Variants in EPHB2 observed in about 807,000 individuals in gnomAD.
EPHB2 encodes ephrin type-B receptor 2.
A neutral mutation model predicts 96.4 loss-of-function variants in EPHB2; 18 were observed. That is an observed-to-expected ratio of 0.19 (90% confidence interval 0.13 to 0.28). EPHB2 has a LOEUF of 0.28. Among genes scored for constraint, EPHB2 ranks in the 10% least tolerant of loss-of-function variants. The probability of loss-of-function intolerance (pLI) is 1.00; values close to 1 mark genes in which losing one functional copy is unlikely to be tolerated. For missense variants in EPHB2, 989 were observed against 1,355.4 expected (o/e 0.73, Z 4.25); for synonymous variants, 506 against 534.1 (o/e 0.95, Z 0.72).
chr1:22,799,038 C>T (rs568745428), intron 3 of EPHB2, among the ~76,000 whole-genome samples: 2 of 152,208 alleles, frequency 1.3e-5, no homozygotes, highest in Non-Finnish European at 2.9e-5. Context: ...GCGTGTGTCA[C>T]GGCACTGTTT....
At chr1:22,877,912 G>A (rs918783049) in intron 5 of EPHB2, among the ~76,000 whole-genome samples, 16 of 152,228 alleles carry the variant, frequency 1.1e-4, no homozygotes, top group African/African-American at 3.9e-4. Context: ...ATCTCAGTGG[G>A]GGGTGTTGTG....
intron 4 of EPHB2, among the ~76,000 whole-genome samples, chr1:22,864,515 T>G (rs1638399539): frequency 6.6e-6 from 1 of 152,140 alleles, no homozygotes; most frequent in African/African-American, 2.4e-5. Context: ...GGCAAGCACT[T>G]AAACACAGGA....
In EPHB2 at chr1:22,799,725, G is replaced by T. The variant is rs542519834; in HGVS notation, c.811+14649G>T. Among the ~76,000 whole-genome samples the T allele has an allele frequency of 4.1e-4, 62 of 152,340 alleles. No individual in the cohort carries two copies. In the South Asian group the frequency reaches 7.9e-3, roughly 19 times the overall value. ...GGTTGTCACTGAACACAGGTCGTTT[G>T]GTGGAGCAGGAGGTATGACCTGGGT... On this transcript the variant is annotated intron_variant, in intron 3 of 15. Coordinates refer to ENST00000374630, the MANE Select transcript of EPHB2 (RefSeq NM_017449.5).
chr1:22,898,996 C>G (rs1235648323), intron 9 of EPHB2, among the ~76,000 whole-genome samples: 9 of 151,954 alleles, frequency 5.9e-5, no homozygotes, highest in Non-Finnish European at 1.3e-4. Context: ...GAGTTCAAGA[C>G]CAGCCTGACC....
chr1:22,803,565 C>T (rs1644875734), intron 3 of EPHB2, among the ~76,000 whole-genome samples: 1 of 150,710 alleles, frequency 6.6e-6, no homozygotes, highest in Admixed American at 6.6e-5. Flanking sequence ...ATGATCTCAC[C>T]ACTGCACTCT....
At chr1:22,759,387 T>C (rs893965) in intron 1 of EPHB2, among the ~76,000 whole-genome samples, 141,030 of 151,986 alleles carry the variant, frequency 0.93, 66,351 homozygotes, top group East Asian at 1. Context: ...TACCTGTTAC[T>C]CTTTATTGCA....
chr1:22,853,944 C>G (rs1220883396), intron 3 of EPHB2, among the ~76,000 whole-genome samples: 1 of 152,240 alleles, frequency 6.6e-6, no homozygotes, highest in African/African-American at 2.4e-5. Context: ...AGCTACCCAC[C>G]TCAGCCTTGT....
chr1:22,756,041 A>C (rs1162944251), intron 1 of EPHB2, among the ~76,000 whole-genome samples: 1 of 151,638 alleles, frequency 6.6e-6, no homozygotes, highest in Non-Finnish European at 1.5e-5. Flanking sequence ...TGTTCACTAC[A>C]TGGACTCAGG....
chr1:22,759,858 ACTGCTTC>A (rs1370382905), intron 1 of EPHB2, among the ~76,000 whole-genome samples: 1 of 152,078 alleles, frequency 6.6e-6, no homozygotes, highest in African/African-American at 2.4e-5. Context: ...AGCCACACCC[ACTGCTTC>A]AAAGCCAAAT....
At chr1:22,714,144 C>CG (rs1643233030) in intron 1 of EPHB2, among the ~76,000 whole-genome samples, 1 of 152,088 alleles carries the variant, frequency 6.6e-6, no homozygotes, top group South Asian at 2.1e-4. Context: ...GGCAAGGAGA[C>CG]GGGACAAGCT....
chr1:22,807,960 C>T (rs1354512965), intron 3 of EPHB2, among the ~76,000 whole-genome samples: 1 of 152,042 alleles, frequency 6.6e-6, no homozygotes, highest in African/African-American at 2.4e-5. Flanking sequence ...ATGGTGAAAC[C>T]CTGTCTCTAC....
intron 3 of EPHB2, among the ~76,000 whole-genome samples, chr1:22,787,358 A>G (rs1644626810): frequency 6.6e-6 from 1 of 152,154 alleles, no homozygotes; most frequent in South Asian, 2.1e-4. Flanking sequence ...CAGTTTTGGT[A>G]TGGCCATGGC....
intron 3 of EPHB2, among the ~76,000 whole-genome samples, chr1:22,826,432 CT>C (rs764300602): frequency 1.3e-5 from 2 of 152,200 alleles, no homozygotes; most frequent in Non-Finnish European, 2.9e-5. Context: ...AGAATTTAAA[CT>C]TTTGATGTTT....
chr1:22,912,865 G>T (rs149958882), intron 15 of EPHB2: 26 of 489,814 alleles, frequency 5.3e-5, no homozygotes, highest in Middle Eastern at 1.2e-3. Context: ...TGGTAGGAAG[G>T]TTGAGGGAGA....
chr1:22,778,675 AC>A (rs1644486858), intron 1 of EPHB2, among the ~76,000 whole-genome samples: 2 of 152,148 alleles, frequency 1.3e-5, no homozygotes, highest in Admixed American at 1.3e-4. Flanking sequence ...GTGTCTGCAA[AC>A]CAGCCAGCCC....
At chr1:22,720,776 T>C (rs1643445210) in intron 1 of EPHB2, among the ~76,000 whole-genome samples, 1 of 151,060 alleles carries the variant, frequency 6.6e-6, no homozygotes. Flanking sequence ...TGGCTCATGA[T>C]AGATATTAGA....
At chr1:22,908,574 C>T (rs1434931657) in intron 12 of EPHB2, among the ~76,000 whole-genome samples, 3 of 152,202 alleles carry the variant, frequency 2.0e-5, no homozygotes, top group African/African-American at 7.2e-5. Flanking sequence ...AGGGCTGGAC[C>T]TTGGAGCTCC....
At chr1:22,831,173 C>T (rs922558747) in intron 3 of EPHB2, among the ~76,000 whole-genome samples, 14 of 152,160 alleles carry the variant, frequency 9.2e-5, no homozygotes, top group African/African-American at 3.1e-4. Flanking sequence ...CTTTGAAGAA[C>T]AGCAGGTCCA....
intron 3 of EPHB2, among the ~76,000 whole-genome samples, chr1:22,819,244 T>TCTCTCG (rs1645118382): frequency 6.7e-6 from 1 of 150,054 alleles, no homozygotes. Context: ...TCTCTCTCTC[T>TCTCTCG]CTCTCTGCTG....
Sources: allele counts gnomAD v4.1 joint callset (sites outside exome capture counted in the v4.1 genomes callset), GRCh38; gene constraint gnomAD v4.1.1; transcripts MANE v1.5; gene names NCBI Gene and HGNC (gene_info 2026-07-23, HGNC 2026-07-21).